OTOGL: variants seen among roughly 807,000 people sequenced by gnomAD.
OTOGL encodes the protein otogelin like.
OTOGL carries 285 observed loss-of-function variants against 318.5 expected under a neutral mutation model. That is an observed-to-expected ratio of 0.89 (90% CI 0.81 to 0.99). The LOEUF is 0.99. Ranked by LOEUF, OTOGL falls within the 50% of genes least tolerant of loss-of-function variation. The pLI is 0.00. For missense variants in OTOGL, 2,899 were observed against 2,845.6 expected (o/e 1.02, Z -0.43); for synonymous variants, 987 against 936.5 (o/e 1.05, Z -0.99).
intron 52 of OTOGL, among the ~76,000 whole-genome samples, chr12:80,362,796 G>C (rs1890311858): frequency 6.6e-6 from 1 of 151,990 alleles, no homozygotes; most frequent in South Asian, 2.1e-4. Flanking sequence ...TCGGACAGGG[G>C]CTAATAGAAA....
chr12:80,328,929 C>T (rs1054042712), intron 36 of OTOGL, 122 bp from the exon 37 acceptor site: 9 of 1,049,432 alleles, frequency 8.6e-6, no homozygotes, highest in African/African-American at 8.1e-5. Flanking sequence ...CTTCCACTAA[C>T]ATCTCTCCTG....
intron 34 of OTOGL, among the ~76,000 whole-genome samples, chr12:80,322,670 G>A (rs1887416109): frequency 6.6e-6 from 1 of 152,130 alleles, no homozygotes; most frequent in South Asian, 2.1e-4. Flanking sequence ...TGCTACAAAA[G>A]GACTTCTCTA....
rs781524697 is a variant in OTOGL, at chr12:80,266,493, C to T, written c.2267C>T (p.Ser756Leu). 1.7e-5 allele frequency: 28 copies of T among 1,613,450 alleles called. No homozygotes were observed. Among genetic ancestry groups the T allele is most frequent in the Admixed American group, 8.4e-5 (5 of 59,860 alleles). ...GGCATGCTGTACCATCACTGTTCCT[C>T]GTTCTGCCTCCATTCCTGCATTTCT... ...QKGMLYHHCSSFCLHSCISLS... is the reference protein window; with the variant it reads ...QKGMLYHHCSLFCLHSCISLS... Residue 756 changes from serine to leucine, a missense_variant, in exon 21 of 59, where the codon TCG becomes TTG. Coordinates refer to ENST00000547103, the MANE Select transcript of OTOGL (RefSeq NM_001378609.3).
At chr12:80,120,506 G>C (rs953056361) in intron 1 of OTOGL, among the ~76,000 whole-genome samples, 1 of 151,758 alleles carries the variant, frequency 6.6e-6, no homozygotes, top group East Asian at 1.9e-4. Context: ...ACTACTTCCA[G>C]TATTTCCTAT....
chr12:80,183,687 G>C (rs1192342010), intron 1 of OTOGL, among the ~76,000 whole-genome samples: 2 of 152,224 alleles, frequency 1.3e-5, no homozygotes, highest in African/African-American at 2.4e-5. Flanking sequence ...GAGCTTTAGA[G>C]CATCAAGATT....
At chr12:80,177,742 C>T (rs1376848776) in intron 1 of OTOGL, among the ~76,000 whole-genome samples, 3 of 152,046 alleles carry the variant, frequency 2.0e-5, no homozygotes, top group Non-Finnish European at 4.4e-5. Context: ...TTCTTTAGGT[C>T]TTTAATTTTT....
chr12:80,342,991 C>T (rs1047867818), intron 44 of OTOGL, among the ~76,000 whole-genome samples: 1 of 152,122 alleles, frequency 6.6e-6, no homozygotes, highest in Non-Finnish European at 1.5e-5. Context: ...AAGTGATTCT[C>T]CTGCCTCAGC....
rs115585346 is a variant in OTOGL, at chr12:80,332,526, G to A, written c.4349-479G>A. Among the ~76,000 whole-genome samples the A allele has an allele frequency of 6.9e-3, 1,048 of 152,096 alleles. 9 individuals are homozygous for A. Among genetic ancestry groups the A allele is most frequent in the African/African-American group, 0.024 (1,003 of 41,460 alleles). Reference sequence around the variant, plus strand: ...CTCCTAAACCACACCCATCAACTAGGGCTTCCACATGGTCCACATCAACAT... The same window carrying A: ...CTCCTAAACCACACCCATCAACTAGAGCTTCCACATGGTCCACATCAACAT... On this transcript the variant is annotated intron_variant, in intron 37 of 58. Coordinates refer to ENST00000547103, the MANE Select transcript of OTOGL (RefSeq NM_001378609.3).
intron 57 of OTOGL, among the ~76,000 whole-genome samples, chr12:80,372,537 G>A (rs922141400): frequency 3.3e-5 from 5 of 151,978 alleles, no homozygotes; most frequent in Non-Finnish European, 7.4e-5. Flanking sequence ...GTTTGAGTAA[G>A]TATATAGTTT....
At position 80,336,069 on chromosome 12, in the gene OTOGL, C is replaced by CCAAA; in HGVS notation, c.4529_4530insCAAA (p.Asp1511LysfsTer2). The CCAAA allele has an allele frequency of 6.3e-7, 1 of 1,598,802 alleles. No individual in the cohort carries two copies. The highest frequency in any genetic ancestry group is 8.5e-7 in the Non-Finnish European group (1 of 1,179,414). On this transcript the variant is annotated frameshift_variant, in exon 39 of 59. Transcript: ENST00000547103. LOFTEE classifies it high-confidence loss of function. The stretch of plus-strand genomic sequence containing the variant: ...AATTGCCCAAAGGACGTGGAAATGC[C>CCAAA]TGACTGTGGTTTCCGAGGAAGGCCA...
chr12:80,328,018 T>TA (rs1459846458), intron 35 of OTOGL, among the ~76,000 whole-genome samples: 3 of 136,124 alleles, frequency 2.2e-5, no homozygotes, highest in South Asian at 2.4e-4. Context: ...CAATACAGAT[T>TA]AAAATCTCAA....
chr12:80,204,779 C>T (rs1426619516), intron 1 of OTOGL, among the ~76,000 whole-genome samples: 1 of 152,058 alleles, frequency 6.6e-6, no homozygotes, highest in Non-Finnish European at 1.5e-5. Flanking sequence ...AGAAACTGGA[C>T]TTGGTTTACT....
rs566680406 is a variant in OTOGL, at chr12:80,320,541, A to G, written c.3922A>G (p.Thr1308Ala). Residue 1308 changes from threonine (T) to alanine (A), a missense_variant, in exon 34 of 59, where the codon ACA becomes GCA. Around this residue, in one of 3 missense-constraint regions of OTOGL, gnomAD observed 2,607 missense variants for 2,524.9 expected, o/e 1.03. Transcript: ENST00000547103. The stretch of plus-strand genomic sequence containing the variant: ...GAATTCAGCCTTTCATCGGAGAGCA[A>G]CATTTTTCCACCATCAGGGCCTCTG... ...EANSAFHRRATFFHHQGLWIP... is the reference protein window; with the variant it reads ...EANSAFHRRAAFFHHQGLWIP... 1.2e-6 allele frequency: 2 copies of G among 1,613,650 alleles called. No homozygotes were observed. Among genetic ancestry groups the G allele is most frequent in the African/African-American group, 2.7e-5 (2 of 75,026 alleles).
rs761108368 is a variant in OTOGL, at chr12:80,211,969, G to T, written c.140G>T (p.Arg47Leu). 2.5e-6 allele frequency: 4 copies of T among 1,576,050 alleles called. No homozygotes were observed. Among genetic ancestry groups the T allele is most frequent in the South Asian group, 2.3e-5 (2 of 87,094 alleles). Residue 47 changes from arginine (R) to leucine (L), a missense_variant, in exon 4 of 59, where the codon CGA becomes CTA. Physicochemically the swap from Arg to Leu is moderately radical, Grantham distance 102 (BLOSUM62 -2). Coordinates refer to ENST00000547103, the MANE Select transcript of OTOGL (RefSeq NM_001378609.3). ...TCCAGAAACGGGTTTAATGAAAATC[G>T]ACAGAAAAGAGCTCTTTTAGCAGCA... Reference protein sequence around the residue: ...GTSKNGFNENRQKRALLAAQF... With the variant: ...GTSKNGFNENLQKRALLAAQF...
At chr12:80,307,265 C>CA (rs1410586525) in intron 29 of OTOGL, among the ~76,000 whole-genome samples, 2 of 150,004 alleles carry the variant, frequency 1.3e-5, no homozygotes, top group Non-Finnish European at 3.0e-5. Flanking sequence ...CCTTTCCCCC[C>CA]TTTCTATTCT....
intron 1 of OTOGL, among the ~76,000 whole-genome samples, chr12:80,193,836 A>G (rs551833665): frequency 3.9e-5 from 6 of 152,350 alleles, no homozygotes; most frequent in African/African-American, 4.8e-5. Flanking sequence ...AGATGGTTTC[A>G]GTGTCTGCCT....
intron 1 of OTOGL, among the ~76,000 whole-genome samples, chr12:80,129,547 A>G (rs1871104330): frequency 6.6e-6 from 1 of 152,160 alleles, no homozygotes; most frequent in Non-Finnish European, 1.5e-5. Context: ...TTTACAGTTT[A>G]CTTTTTGTTT....
intron 52 of OTOGL, 196 bp from the exon 53 acceptor site, chr12:80,366,378 C>A (rs1370959126): frequency 4.3e-6 from 2 of 466,340 alleles, no homozygotes; most frequent in Admixed American, 2.3e-5. Context: ...TCTTTGATTG[C>A]CCTACAGAAG....
chr12:80,153,706 C>T (rs1872934326), intron 1 of OTOGL, among the ~76,000 whole-genome samples: 1 of 152,190 alleles, frequency 6.6e-6, no homozygotes. Flanking sequence ...TCCGCCTCTG[C>T]ATCCCTCCTC....
Sources: allele counts gnomAD v4.1 joint callset (sites outside exome capture counted in the v4.1 genomes callset), GRCh38; gene constraint gnomAD v4.1.1; regional missense constraint gnomAD v4.1.1; transcripts MANE v1.5; gene names NCBI Gene and HGNC (gene_info 2026-07-23, HGNC 2026-07-21).